The following MATN2 variants were observed in gnomAD, a reference collection of about 807,000 sequenced individuals.
The protein encoded by MATN2 is matrilin 2.
In MATN2, 69 loss-of-function variants were observed where a neutral mutation model predicts 103.2. The observed-to-expected ratio is 0.67, with a 90% CI of 0.55 to 0.82. MATN2 has a LOEUF of 0.82. Ranked by LOEUF, MATN2 falls within the 40% of genes least tolerant of loss-of-function variation. MATN2 has a pLI of 0.00. For synonymous variants in MATN2, 429 were observed against 450.2 expected (o/e 0.95, Z 0.60); for missense variants, 1,023 against 1,211.5 (o/e 0.84, Z 2.31).
At chr8:97,911,101 G>C (rs557062511) in intron 2 of MATN2, among the ~76,000 whole-genome samples, 49 of 152,174 alleles carry the variant, frequency 3.2e-4, no homozygotes, top group South Asian at 1.0e-3. Context: ...CGTTTCTCCT[G>C]CCTCAGCCTC....
At chr8:98,010,790 C>A (rs1196472547) in intron 10 of MATN2, among the ~76,000 whole-genome samples, 4 of 152,138 alleles carry the variant, frequency 2.6e-5, no homozygotes, top group African/African-American at 9.7e-5. Flanking sequence ...GGATCAGAGC[C>A]GTCAGCCTAG....
intron 2 of MATN2, among the ~76,000 whole-genome samples, chr8:97,891,242 A>T (rs1418004302): frequency 6.6e-6 from 1 of 152,110 alleles, no homozygotes; most frequent in African/African-American, 2.4e-5. Context: ...TTATAGCTCA[A>T]CTCTGCCTGC....
rs1018080653 is a variant in MATN2 at position 98,036,410 on chromosome 8, G to A, written c.*698G>A. 6.6e-6 allele frequency: 1 copy of A among 152,140 alleles called. No individual in the cohort carries two copies. Among genetic ancestry groups the A allele is most frequent in the Non-Finnish European group, 1.5e-5 (1 of 68,044 alleles). The allele number at this position is 152,140 out of a possible 1,614,324, so 9.4% of individuals were successfully genotyped here. On this transcript the variant is annotated 3_prime_UTR_variant, in exon 19 of 19. Transcript: ENST00000254898. ...TTTAACAAGTGTTGGTAAGGATGTG[G>A]AAATGTGAGGTTCTTGTAGTAAGAA...
At chr8:97,871,624 G>C (rs1402314238) in intron 1 of MATN2, among the ~76,000 whole-genome samples, 1 of 152,202 alleles carries the variant, frequency 6.6e-6, no homozygotes, top group East Asian at 1.9e-4. Flanking sequence ...AAAGAGGGAG[G>C]CTGAGCATAT....
intron 5 of MATN2, 146 bp from the exon 6 acceptor site, chr8:97,978,739 AC>A (rs1390740637): frequency 4.1e-6 from 3 of 726,454 alleles, no homozygotes; most frequent in African/African-American, 3.6e-5. Context: ...GGGGGCAGAG[AC>A]CTTGGGTTCA....
At chr8:98,025,199 T>C (rs770721908) in intron 13 of MATN2, 2 of 152,052 alleles carry the variant, frequency 1.3e-5, no homozygotes, top group Admixed American at 6.6e-5. Context: ...AAAAGATCGA[T>C]AGGTTGAGTG....
intron 2 of MATN2, among the ~76,000 whole-genome samples, chr8:97,926,202 A>G (rs1809984151): frequency 6.6e-6 from 1 of 152,150 alleles, no homozygotes; most frequent in Non-Finnish European, 1.5e-5. Flanking sequence ...TTATGGGCCC[A>G]CAAACTGTCC....
At chr8:97,928,453 C>T (rs1267300910) in intron 2 of MATN2, among the ~76,000 whole-genome samples, 1 of 152,110 alleles carries the variant, frequency 6.6e-6, no homozygotes, top group Non-Finnish European at 1.5e-5. Context: ...GTCTCAATCT[C>T]CTGACCTTGT....
At chr8:98,022,460 T>A (rs1394736642) in intron 13 of MATN2, among the ~76,000 whole-genome samples, 3 of 152,042 alleles carry the variant, frequency 2.0e-5, no homozygotes, top group Non-Finnish European at 4.4e-5. Context: ...ATAAACACGA[T>A]TTAGAAAGAA....
intron 2 of MATN2, among the ~76,000 whole-genome samples, chr8:97,925,359 A>G (rs1586420629): frequency 6.6e-6 from 1 of 152,116 alleles, no homozygotes; most frequent in African/African-American, 2.4e-5. Context: ...ACTGAAATAT[A>G]GAAGCATGGA....
Position 97,930,131 on chromosome 8 carries a change from C to T in MATN2, c.143-822C>T, listed in dbSNP as rs555107415. On this transcript the variant is annotated intron_variant, in intron 2 of 18. Coordinates refer to ENST00000254898, the MANE Select transcript of MATN2 (RefSeq NM_002380.5). ...AAACACCACGCATCTATAAGGTCAG[C>T]TCACGTCCCATCTCCTTGACCCCAG... Among the ~76,000 whole-genome samples, 16 of 152,362 alleles carry T rather than the reference C, an allele frequency of 1.1e-4. No individual in the cohort carries two copies. In the South Asian group the frequency reaches 3.3e-3, roughly 32 times the overall value.
intron 14 of MATN2, among the ~76,000 whole-genome samples, chr8:98,029,884 T>C (rs1813945493): frequency 6.6e-6 from 1 of 152,200 alleles, no homozygotes; most frequent in Non-Finnish European, 1.5e-5. Flanking sequence ...CCTGTTGAAA[T>C]TTAAGGCTGA....
intron 7 of MATN2, among the ~76,000 whole-genome samples, chr8:97,998,528 A>C (rs1318278191): frequency 6.6e-6 from 1 of 151,490 alleles, no homozygotes; most frequent in Admixed American, 6.6e-5. Flanking sequence ...TCAAAAAAAA[A>C]AAAAAAAAAA....
In MATN2 at chr8:97,888,259, AC is replaced by A; in HGVS notation, c.142+22del. The A allele has an allele frequency of 6.6e-7, 1 of 1,522,928 alleles. No homozygotes were observed. The highest frequency in any genetic ancestry group is 1.3e-5 in the South Asian group (1 of 79,020). 94.3% of individuals were successfully genotyped at this position (1,522,928 alleles called of 1,614,324 possible). On this transcript the variant is annotated intron_variant, in intron 2 of 18. Transcript: ENST00000254898. ...CCCTTCTGGGTGAGTGGTGGTGCTC[AC>A]CCCCAAAAGTGGGCAGGTGGGGGTG...
chr8:97,969,072 G>A (rs138594658), intron 5 of MATN2, among the ~76,000 whole-genome samples: 12 of 152,362 alleles, frequency 7.9e-5, no homozygotes, highest in African/African-American at 2.9e-4. Context: ...GCCAAAGGGG[G>A]AGCAAGTATG....
intron 5 of MATN2, among the ~76,000 whole-genome samples, chr8:97,967,620 C>G (rs1811525778): frequency 6.6e-6 from 1 of 152,270 alleles, no homozygotes; most frequent in South Asian, 2.1e-4. Flanking sequence ...TCCTTTGACT[C>G]CATGTCCTGC....
chr8:98,026,123 G>A (rs1317931503), intron 13 of MATN2, among the ~76,000 whole-genome samples: 1 of 138,870 alleles, frequency 7.2e-6, no homozygotes, highest in African/African-American at 2.6e-5. Flanking sequence ...AGGTTGCAGT[G>A]AGCCAAGATC....
chr8:97,984,165 C>A (rs897130679), intron 6 of MATN2, among the ~76,000 whole-genome samples: 3 of 152,210 alleles, frequency 2.0e-5, no homozygotes, highest in Admixed American at 2.0e-4. Flanking sequence ...CTACAATATT[C>A]TCACTGTGCC....
chr8:97,883,761 A>G (rs1370333899), intron 1 of MATN2, among the ~76,000 whole-genome samples: 1 of 151,980 alleles, frequency 6.6e-6, no homozygotes, highest in Non-Finnish European at 1.5e-5. Flanking sequence ...TCACCGTGTT[A>G]ACCAGGATGG....
Sources: gnomAD v4.1 joint callset for allele counts (sites outside exome capture counted in the v4.1 genomes callset) on GRCh38, gnomAD v4.1.1 for gene constraint, MANE v1.5 for transcripts, NCBI Gene and HGNC (gene_info 2026-07-23, HGNC 2026-07-21) for gene names.